Variants in CEP120 observed in about 807,000 individuals in gnomAD.
CEP120 encodes the protein centrosomal protein of 120 kDa.
Under a neutral mutation model 126.5 loss-of-function variants are expected in CEP120, and 113 were observed. That is an observed-to-expected ratio of 0.89 (90% CI 0.77 to 1.04). CEP120 has a LOEUF of 1.04. Among genes scored for constraint, CEP120 ranks in the 50% least tolerant of loss-of-function variants. CEP120 has a pLI of 0.00. For missense variants in CEP120, 1,230 were observed against 1,155.7 expected (o/e 1.06, Z -0.93); for synonymous variants, 400 against 394.3 (o/e 1.01, Z -0.17).
intron 18 of CEP120, among the ~76,000 whole-genome samples, chr5:123,355,818 T>C (rs960236553): frequency 1.3e-4 from 19 of 151,532 alleles, no homozygotes; most frequent in African/African-American, 4.4e-4. Flanking sequence ...TTTGTTGCCA[T>C]TGCTTTTGGT....
At chr5:123,358,407 A>C (rs1483005862) in intron 18 of CEP120, 1 of 152,062 alleles carries the variant, frequency 6.6e-6, no homozygotes, top group African/African-American at 2.4e-5. Context: ...AAAAAGAAAA[A>C]CATATCTGGA....
intron 4 of CEP120, chr5:123,402,449 T>A: frequency 5.7e-6 from 5 of 872,988 alleles, no homozygotes; most frequent in Non-Finnish European, 7.9e-6. Flanking sequence ...AGACAGAGTC[T>A]TGCTCTGTCA....
intron 5 of CEP120, among the ~76,000 whole-genome samples, chr5:123,397,738 A>G (rs751031754): frequency 5.9e-5 from 9 of 152,202 alleles, no homozygotes; most frequent in Non-Finnish European, 1.3e-4. Flanking sequence ...GTGGCCACTA[A>G]TTGCAAATTT....
chr5:123,358,735 C>T (rs1769845550), intron 18 of CEP120, among the ~76,000 whole-genome samples: 1 of 152,026 alleles, frequency 6.6e-6, no homozygotes, highest in Admixed American at 6.6e-5. Context: ...AAGAAGTCCT[C>T]TCCAGTGCCA....
At chr5:123,379,282 C>G (rs1771478920) in intron 14 of CEP120, among the ~76,000 whole-genome samples, 1 of 152,064 alleles carries the variant, frequency 6.6e-6, no homozygotes, top group African/African-American at 2.4e-5. Flanking sequence ...CCTTTCACTA[C>G]TATTAGTTTT....
At chr5:123,398,466 G>C (rs1772951068) in intron 5 of CEP120, among the ~76,000 whole-genome samples, 1 of 152,150 alleles carries the variant, frequency 6.6e-6, no homozygotes, top group Non-Finnish European at 1.5e-5. Flanking sequence ...ACAAAGACTA[G>C]GCCTGCTTAC....
In CEP120 at chr5:123,391,163, C is replaced by G. The variant is rs1194778440; in HGVS notation, c.985G>C (p.Ala329Pro). ...GCCACAGACACTCCCACAGTTGGGG[C>G]TAGCTCCACAGGAATAGGTGCAAGC... ...QKLAPIPVEL[A>P]PTVGVSVALQ... is the part of the protein sequence containing the mutation. The change falls in exon 7 of 20, where the codon GCC becomes CCC. Residue 329 changes from alanine (A) to proline (P), a missense_variant. Ala to Pro is a conservative substitution (Grantham distance 27, BLOSUM62 -1). Coordinates refer to ENST00000306467, the MANE Select transcript of CEP120 (RefSeq NM_001375405.1). The G allele has an allele frequency of 6.2e-7, 1 of 1,614,058 alleles. No homozygotes were observed. Among genetic ancestry groups the G allele is most frequent in the African/African-American group, 1.3e-5 (1 of 74,932 alleles).
chr5:123,400,407 A>G (rs1176840450), intron 4 of CEP120, among the ~76,000 whole-genome samples: 2 of 152,164 alleles, frequency 1.3e-5, no homozygotes, highest in Non-Finnish European at 2.9e-5. Flanking sequence ...CAGCCGTCAT[A>G]CAATAAGGCC....
rs137978346 is a variant in CEP120, at chr5:123,404,846, C to G, written c.464-5562G>C. Among the ~76,000 whole-genome samples, 33 of 152,276 alleles carry G rather than the reference C, an allele frequency of 2.2e-4. No individual in the cohort carries two copies. In the East Asian group the frequency reaches 6.4e-3, roughly 29 times the overall value. On this transcript the variant is annotated intron_variant, in intron 4 of 19. Transcript: ENST00000306467. ...GATTTCAATTTCACTATTTGTTTCT[C>G]TCACTTCCAGAAGACACCTTCTTCC... is the stretch of plus-strand genomic sequence containing the variant.
At chr5:123,411,420 C>T (rs1309691617) in intron 4 of CEP120, among the ~76,000 whole-genome samples, 1 of 152,064 alleles carries the variant, frequency 6.6e-6, no homozygotes, top group Non-Finnish European at 1.5e-5. Flanking sequence ...TTTATAATTG[C>T]CAAAAGTTAG....
At chr5:123,381,473 A>C (rs1047752682) in intron 14 of CEP120, among the ~76,000 whole-genome samples, 2 of 152,152 alleles carry the variant, frequency 1.3e-5, no homozygotes, top group African/African-American at 2.4e-5. Context: ...AAAATTATTA[A>C]TAGAATATTT....
intron 16 of CEP120, 62 bp from the exon 17 acceptor site, chr5:123,372,834 T>C: frequency 5.1e-6 from 7 of 1,367,840 alleles, no homozygotes; most frequent in Non-Finnish European, 7.0e-6. Context: ...CAATAAAGTA[T>C]TCAATTCAAC....
intron 14 of CEP120, among the ~76,000 whole-genome samples, chr5:123,380,065 C>T (rs1032752790): frequency 1.1e-4 from 17 of 152,062 alleles, no homozygotes; most frequent in Admixed American, 8.5e-4. Flanking sequence ...GGTAAATTTT[C>T]AAAGTGTGAA....
At position 123,390,014 on chromosome 5, in the gene CEP120, G is replaced by C. The variant is rs1207926317; in HGVS notation, c.1165C>G (p.His389Asp). The C allele has an allele frequency of 1.2e-6, 2 of 1,614,140 alleles. No individual in the cohort carries two copies. Among genetic ancestry groups the C allele is most frequent in the Admixed American group, 3.3e-5 (2 of 60,026 alleles). Residue 389 changes from histidine to aspartate, a missense_variant, in exon 8 of 20, where the codon CAC becomes GAC. Physicochemically the swap from His to Asp is moderately conservative, Grantham distance 81. Transcript: ENST00000306467. ...KSPTVSPVPS[H>D]NQSPPTKDDA... ...TCTTTTGTTGGAGGTGACTGGTTGT[G>C]AGATGGAACAGGGGACACTGTTGGT...
Position 123,385,072 on chromosome 5 carries a change from T to C in CEP120, c.1642A>G (p.Ile548Val). 1 of 1,613,794 alleles carries C rather than the reference T, an allele frequency of 6.2e-7. No homozygotes were observed. Among genetic ancestry groups the C allele is most frequent in the South Asian group, 1.1e-5 (1 of 91,066 alleles). ...ATGTTAGAAAGCTGGATTCTCGCAA[T>C]TCCCAGAAGTAAATCTTTACTCATT... The part of the protein sequence containing the change: ...DKMSKDLLLG[I>V]ARIQLSNILS... The change falls in exon 11 of 20, where the codon ATT (isoleucine) becomes GTT (valine). Residue 548 changes from isoleucine (I) to valine (V), a missense_variant. By Grantham distance (29) the Ile-to-Val change is conservative (BLOSUM62 3). Coordinates refer to ENST00000306467, the MANE Select transcript of CEP120 (RefSeq NM_001375405.1).
intron 17 of CEP120, among the ~76,000 whole-genome samples, chr5:123,370,671 ATGTG>A (rs528627254): frequency 7.8e-5 from 7 of 89,254 alleles, no homozygotes; most frequent in African/African-American, 2.9e-4. Flanking sequence ...ATATACATAT[ATGTG>A]TGTGTGTGTG....
At chr5:123,356,324 A>G (rs1769619615) in intron 18 of CEP120, among the ~76,000 whole-genome samples, 1 of 152,120 alleles carries the variant, frequency 6.6e-6, no homozygotes, top group Admixed American at 6.6e-5. Context: ...GAAGAAAGTC[A>G]TTGGTAGCTT....
chr5:123,384,045 T>G (rs1771851255), intron 11 of CEP120, among the ~76,000 whole-genome samples: 1 of 152,162 alleles, frequency 6.6e-6, no homozygotes, highest in African/African-American at 2.4e-5. Flanking sequence ...GGTTCTCACT[T>G]AAGTAAATCT....
chr5:123,360,506 A>T (rs955703947), intron 18 of CEP120, among the ~76,000 whole-genome samples: 51 of 152,048 alleles, frequency 3.4e-4, no homozygotes, highest in African/African-American at 1.1e-3. Flanking sequence ...CACTCAAAGA[A>T]CTTTTCTTTC....
Sources: gnomAD v4.1 joint callset for allele counts (sites outside exome capture counted in the v4.1 genomes callset) on GRCh38, gnomAD v4.1.1 for gene constraint, MANE v1.5 for transcripts, NCBI Gene and HGNC (gene_info 2026-07-23, HGNC 2026-07-21) for gene names.